The following TEX10 variants were observed in gnomAD, a reference collection of about 807,000 sequenced individuals.
The protein encoded by TEX10 is testis expressed 10, also known as testis-expressed protein 10.
A neutral mutation model predicts 104.4 loss-of-function variants in TEX10; 24 were observed. The ratio of observed to expected loss-of-function variants is 0.23; its 90% CI spans 0.17 to 0.32. The LOEUF (loss-of-function observed/expected upper bound fraction) is 0.32. Among genes scored for constraint, TEX10 ranks in the 10% least tolerant of loss-of-function variants. The pLI is 1.00. For missense variants in TEX10, 921 were observed against 1,083.9 expected (o/e 0.85, Z 2.11); for synonymous variants, 396 against 393.4 (o/e 1.01, Z -0.08).
chr9:100,345,658 A>G (rs567995625), intron 4 of TEX10, among the ~76,000 whole-genome samples: 8 of 152,214 alleles, frequency 5.3e-5, no homozygotes, highest in Admixed American at 6.5e-5. Context: ...TGAGCTCTTC[A>G]GTTTTGTCCC....
chr9:100,339,245 C>CAAAAAA lies in TEX10; in HGVS notation c.1250+1006_1250+1011dup, dbSNP rs1182764934. 4.4e-4 allele frequency among the ~76,000 whole-genome samples: 13 copies of CAAAAAA among 29,412 alleles called. 2 individuals are homozygous for CAAAAAA. Among genetic ancestry groups the CAAAAAA allele is most frequent in the African/African-American group, 1.5e-3 (12 of 8,100 alleles). The allele number at this position is 29,412 out of a possible 152,430, so 19.3% of individuals were successfully genotyped here. On this transcript the variant is annotated intron_variant, in intron 5 of 14. Coordinates refer to ENST00000374902, the MANE Select transcript of TEX10 (RefSeq NM_017746.4). ...TGGGAAACAGAGTGAGACTCCATCT[C>CAAAAAA]AAAAAAAAAAAAAAAAAAAAAAAAA...
In TEX10 at chr9:100,351,288, A is replaced by T. The variant is rs1200947680; in HGVS notation, c.-10+1484T>A. On this transcript the variant is annotated intron_variant, in intron 1 of 14. Coordinates refer to ENST00000374902, the MANE Select transcript of TEX10 (RefSeq NM_017746.4). ...CCTGAAGACTGGAAGTCTTCGTGGC[A>T]AAACAGTTTGGCTTATTTCATTTGT... Among the ~76,000 whole-genome samples, 3 of 151,734 alleles carry T rather than the reference A, an allele frequency of 2.0e-5. No homozygotes were observed. In the East Asian group the frequency reaches 5.8e-4, roughly 29 times the overall value.
Position 100,313,611 on chromosome 9 carries a change from G to A in TEX10, c.2203-3232C>T, listed in dbSNP as rs140161215. Among the ~76,000 whole-genome samples the A allele has an allele frequency of 4.3e-3, 656 of 152,044 alleles. 4 individuals are homozygous for A. The highest frequency in any genetic ancestry group is 0.015 in the African/African-American group (631 of 41,488). On this transcript the variant is annotated intron_variant, in intron 11 of 14. Transcript: ENST00000374902. Reference sequence around the variant, plus strand: ...CACCTGTAATTCCAGCACTTTGGGAGGCCAAGGCAGGCAGATCACTTGAGG... The same window carrying A: ...CACCTGTAATTCCAGCACTTTGGGAAGCCAAGGCAGGCAGATCACTTGAGG...
intron 5 of TEX10, among the ~76,000 whole-genome samples, chr9:100,331,628 A>C (rs1166584014): frequency 6.6e-6 from 1 of 152,258 alleles, no homozygotes; most frequent in African/African-American, 2.4e-5. Context: ...CCGGAACGAC[A>C]AATGAGCCTG....
At chr9:100,314,807 G>T (rs1834374475) in intron 11 of TEX10, among the ~76,000 whole-genome samples, 1 of 152,064 alleles carries the variant, frequency 6.6e-6, no homozygotes, top group Non-Finnish European at 1.5e-5. Context: ...GCAACGTTAG[G>T]TTGCTGATTA....
intron 1 of TEX10, among the ~76,000 whole-genome samples, chr9:100,351,682 C>T (rs1054665972): frequency 3.9e-5 from 6 of 152,174 alleles, no homozygotes; most frequent in Admixed American, 1.3e-4. Context: ...TATTATCTAT[C>T]GCTTTGTATT....
chr9:100,303,908 T>G, intron 13 of TEX10, 66 bp from the exon 14 acceptor site: 1 of 1,451,636 alleles, frequency 6.9e-7, no homozygotes, highest in Non-Finnish European at 9.6e-7. Context: ...CCCTTCTATA[T>G]TCCCCCAAAG....
rs748431201 is a variant in TEX10, at chr9:100,346,657, A to G, written c.893+37T>C. 3 of 1,557,758 alleles carry G rather than the reference A, an allele frequency of 1.9e-6. No homozygotes were observed. The East Asian group carries it at 6.7e-5, about 35-fold the overall frequency. On this transcript the variant is annotated intron_variant, in intron 3 of 14. Coordinates refer to ENST00000374902, the MANE Select transcript of TEX10 (RefSeq NM_017746.4). ...ATGGTTAGCAGTTATAATTCAATAC[A>G]GCAAAACTGTGTGGACATAACTGAA...
rs544162784 is a variant in TEX10, at chr9:100,313,015, A to G, written c.2203-2636T>C. ...TCAAAATAAAATGAATTTATCAAGT[A>G]AATAAATTCATTGGTATACCAACAA... On this transcript the variant is annotated intron_variant, in intron 11 of 14. Transcript: ENST00000374902. Among the ~76,000 whole-genome samples the G allele has an allele frequency of 2.0e-5, 3 of 152,340 alleles. No individual in the cohort carries two copies. In the South Asian group the frequency reaches 6.2e-4, roughly 32 times the overall value.
In TEX10 at chr9:100,311,075, AT is replaced by A. The variant is rs374065636; in HGVS notation, c.2203-697del. ...AAGCAAAACAATGTATAATGCAATC[AT>A]TTTTTCCCCCCAATCAACATTATTA... On this transcript the variant is annotated intron_variant, in intron 11 of 14. Transcript: ENST00000374902. 3.9e-3 allele frequency among the ~76,000 whole-genome samples: 590 copies of A among 152,032 alleles called. 2 individuals carry two copies. Among genetic ancestry groups the A allele is most frequent in the African/African-American group, 0.013 (527 of 41,474 alleles).
chr9:100,332,476 A>G (rs1834888017), intron 5 of TEX10, among the ~76,000 whole-genome samples: 2 of 152,236 alleles, frequency 1.3e-5, no homozygotes, highest in Admixed American at 1.3e-4. Context: ...AGGAAGGCAG[A>G]TCTCTGATGA....
At chr9:100,323,127 G>A (rs1014054807) in intron 9 of TEX10, among the ~76,000 whole-genome samples, 2 of 152,170 alleles carry the variant, frequency 1.3e-5, no homozygotes, top group African/African-American at 4.8e-5. Context: ...GGAAGCAATT[G>A]TGCCATCCAG....
At chr9:100,333,893 T>C (rs1022213379) in intron 5 of TEX10, among the ~76,000 whole-genome samples, 10 of 152,104 alleles carry the variant, frequency 6.6e-5, no homozygotes, top group African/African-American at 1.4e-4. Context: ...TGAACGGTGA[T>C]AGAACAACTG....
At chr9:100,311,383 G>C (rs143752684) in intron 11 of TEX10, among the ~76,000 whole-genome samples, 1 of 152,312 alleles carries the variant, frequency 6.6e-6, no homozygotes, top group Non-Finnish European at 1.5e-5. Flanking sequence ...CTGGATGACA[G>C]AGTGAGACAC....
At chr9:100,306,544 T>G (rs1448014819) in intron 13 of TEX10, 1 of 152,226 alleles carries the variant, frequency 6.6e-6, no homozygotes, top group Non-Finnish European at 1.5e-5. Flanking sequence ...CAGACAGTAC[T>G]AAACAACTCA....
intron 2 of TEX10, among the ~76,000 whole-genome samples, chr9:100,348,028 A>G (rs1346883060): frequency 2.0e-5 from 3 of 152,258 alleles, no homozygotes; most frequent in Non-Finnish European, 4.4e-5. Flanking sequence ...CTGCTGAGTG[A>G]TCAACAATAT....
At chr9:100,352,594 G>A (rs11791943) in intron 1 of TEX10, 178 bp downstream of exon 1, 210,282 of 1,500,346 alleles carry the variant, frequency 0.14, 15,918 homozygotes, top group Non-Finnish European at 0.16. Context: ...TCCCGCCCCC[G>A]CAGTGCCGGC....
Position 100,303,628 on chromosome 9 carries a change from T to C in TEX10, c.2676+4A>G, listed in dbSNP as rs371589346. On this transcript the variant is annotated splice_donor_region_variant and intron_variant, in intron 14 of 14. Transcript: ENST00000374902. ...TGCAAAGCCTCCGGTACCATGCTTC[T>C]TACCGTGATATTCTTGATGATCTGC... The C allele has an allele frequency of 1.9e-6, 3 of 1,613,838 alleles. No individual in the cohort carries two copies. The African/African-American group carries it at 4.0e-5, about 22-fold the overall frequency.
chr9:100,305,309 C>T (rs891407599), intron 13 of TEX10: 6 of 152,218 alleles, frequency 3.9e-5, no homozygotes, highest in Admixed American at 1.3e-4. Context: ...CCTGACTGCA[C>T]ATATGGTAAT....
Sources: gnomAD v4.1 joint callset for allele counts (sites outside exome capture counted in the v4.1 genomes callset) on GRCh38, gnomAD v4.1.1 for gene constraint, MANE v1.5 for transcripts, NCBI Gene and HGNC (gene_info 2026-07-23, HGNC 2026-07-21) for gene names.